The following ADD1 variants were observed in gnomAD, a reference collection of about 807,000 sequenced individuals.
ADD1 encodes alpha-adducin.
Under a neutral mutation model 80.5 loss-of-function variants are expected in ADD1, and 24 were observed. The ratio of observed to expected loss-of-function variants is 0.30; its 90% CI spans 0.22 to 0.42. The LOEUF (loss-of-function observed/expected upper bound fraction) is 0.42, where lower values mean the gene tolerates loss of function less well. Among genes scored for constraint, ADD1 ranks in the 10% least tolerant of loss-of-function variants. The pLI, the probability that ADD1 is intolerant of heterozygous loss-of-function variation, is 1.00. For missense variants in ADD1, 948 were observed against 1,019.0 expected, an observed-to-expected ratio of 0.93 and a Z score of 0.95; for synonymous variants, 373 against 393.8, an observed-to-expected ratio of 0.95 and a Z score of 0.63.
At chr4:2,877,369 T>A (rs1560175300) in intron 2 of ADD1, among the ~76,000 whole-genome samples, 1 of 152,122 alleles carries the variant, frequency 6.6e-6, no homozygotes, top group Non-Finnish European at 1.5e-5. Flanking sequence ...AGCAGTAAAC[T>A]AGACATACAA....
At chr4:2,864,364 G>T (rs567909983) in intron 1 of ADD1, among the ~76,000 whole-genome samples, 3 of 152,200 alleles carry the variant, frequency 2.0e-5, no homozygotes, top group Non-Finnish European at 4.4e-5. Context: ...AGTGAGCCAA[G>T]ATCGTGCGTG....
chr4:2,882,142 G>A (rs965404808), intron 3 of ADD1, 82 bp downstream of exon 3: 1 of 1,290,674 alleles, frequency 7.7e-7, no homozygotes, highest in South Asian at 1.6e-5. Context: ...AAATAAGTGG[G>A]CATTTAACTG....
intron 1 of ADD1, among the ~76,000 whole-genome samples, chr4:2,870,222 G>A (rs1253482312): frequency 6.6e-6 from 1 of 152,176 alleles, no homozygotes; most frequent in Non-Finnish European, 1.5e-5. Context: ...AAATTTGTCT[G>A]GTATCTGACC....
chr4:2,865,326 T>C (rs909108897), intron 1 of ADD1, among the ~76,000 whole-genome samples: 1 of 152,244 alleles, frequency 6.6e-6, no homozygotes, highest in Non-Finnish European at 1.5e-5. Context: ...TTGGCAAGTC[T>C]TCTTAGGCTT....
At chr4:2,879,442 AGTGTGT>A (rs1731880280) in intron 2 of ADD1, among the ~76,000 whole-genome samples, 1 of 152,172 alleles carries the variant, frequency 6.6e-6, no homozygotes, top group South Asian at 2.1e-4. Context: ...GGTACTTAGT[AGTGTGT>A]GTCGAATTGA....
chr4:2,894,074 A>G lies in ADD1; in HGVS notation c.572A>G (p.Glu191Gly). ...LIVPFGLLYS[E>G]VTASSLVKIN... is the part of the protein sequence containing the mutation. ...GTCCCTTTTGGGCTTCTTTACAGTGAAGTGACTGCATCCAGTTTGGTAAGA... is the reference window on the plus strand; with the variant it reads ...GTCCCTTTTGGGCTTCTTTACAGTGGAGTGACTGCATCCAGTTTGGTAAGA... Residue 191 changes from glutamate (E) to glycine (G), a missense_variant, in exon 5 of 16, where the codon GAA becomes GGA. Glu to Gly is a moderately conservative substitution (Grantham distance 98). Transcript: ENST00000683351. 1 of 1,614,054 alleles carries G rather than the reference A, an allele frequency of 6.2e-7. No homozygotes were observed. The highest frequency in any genetic ancestry group is 8.5e-7 in the Non-Finnish European group (1 of 1,179,910).
chr4:2,874,435 C>T (rs889152239), intron 1 of ADD1, among the ~76,000 whole-genome samples: 2 of 151,320 alleles, frequency 1.3e-5, no homozygotes, highest in Non-Finnish European at 1.5e-5. Flanking sequence ...GGTGAAACGC[C>T]GTCTCTACTA....
intron 14 of ADD1, among the ~76,000 whole-genome samples, chr4:2,925,021 G>T (rs573311372): frequency 6.6e-6 from 1 of 152,352 alleles, no homozygotes; most frequent in African/African-American, 2.4e-5. Context: ...TGAGTGGATG[G>T]GGACAGGCTC....
intron 14 of ADD1, among the ~76,000 whole-genome samples, chr4:2,918,031 T>C (rs141770519): frequency 0.019 from 2,958 of 152,316 alleles, 61 homozygotes; most frequent in African/African-American, 0.046. Context: ...CATATGAAAT[T>C]TGAAGTAGTT....
Position 2,926,338 on chromosome 4 carries a change from G to C in ADD1, c.2047+226G>C, listed in dbSNP as rs921192851. 1 of 704,506 alleles carries C rather than the reference G, an allele frequency of 1.4e-6. No individual in the cohort carries two copies. Among genetic ancestry groups the C allele is most frequent in the Non-Finnish European group, 2.6e-6 (1 of 388,084 alleles). The allele number at this position is 704,506 out of a possible 1,614,324, so 43.6% of individuals were successfully genotyped here. ...CCAGGTAGGAAGGCCGGCCTCGGGGGTCGGAACCCACCATGGTTGCTGGTG... is the reference window on the plus strand; with the variant it reads ...CCAGGTAGGAAGGCCGGCCTCGGGGCTCGGAACCCACCATGGTTGCTGGTG... On this transcript the variant is annotated intron_variant, in intron 15 of 15. Coordinates refer to ENST00000683351, the MANE Select transcript of ADD1 (RefSeq NM_001354761.2). This position sits in a 1 kb window ranked among gnomAD's most constrained non-coding sequence, Gnocchi z 5.0.
chr4:2,913,920 G>A (rs1433431414), intron 13 of ADD1, among the ~76,000 whole-genome samples: 3 of 151,996 alleles, frequency 2.0e-5, no homozygotes, highest in African/African-American at 7.2e-5. Flanking sequence ...GTAGCCGGGC[G>A]TGGTGGCGGG....
chr4:2,923,663 C>T (rs1349792547), intron 14 of ADD1, among the ~76,000 whole-genome samples: 1 of 152,266 alleles, frequency 6.6e-6, no homozygotes, highest in Non-Finnish European at 1.5e-5. Context: ...CGGGGAGAGA[C>T]CTCCTTTACT....
intron 1 of ADD1, among the ~76,000 whole-genome samples, chr4:2,849,746 G>A (rs1458206631): frequency 3.3e-5 from 5 of 152,168 alleles, no homozygotes; most frequent in Non-Finnish European, 7.3e-5. Context: ...GCACACTGTC[G>A]CTTGAAATTT....
intron 5 of ADD1, 65 bp downstream of exon 5, chr4:2,894,158 A>G (rs2109003115): frequency 7.7e-7 from 1 of 1,292,214 alleles, no homozygotes; most frequent in Non-Finnish European, 1.1e-6. Context: ...CAACATCTTC[A>G]GATCAGCTAA....
chr4:2,878,333 AG>A (rs529109301), intron 2 of ADD1, among the ~76,000 whole-genome samples: 2 of 152,156 alleles, frequency 1.3e-5, no homozygotes, highest in South Asian at 4.1e-4. Flanking sequence ...GGCGTAGTAG[AG>A]GTAGGAAGAA....
Position 2,894,585 on chromosome 4 carries a change from A to C in ADD1, c.595A>C (p.Lys199Gln). Residue 199 changes from lysine to glutamine, a missense_variant, in exon 6 of 16, where the codon AAG (lysine) becomes CAG (glutamine). By Grantham distance (53) the Lys-to-Gln change is moderately conservative (BLOSUM62 1). Transcript: ENST00000683351. ...YSEVTASSLV[K>Q]INLQGDIVDR... Reference sequence around the variant, plus strand: ...ATTTTTATTTTTTTATTTTCAGGTTAAGATCAATCTACAAGGAGATATAGT... The same window carrying C: ...ATTTTTATTTTTTTATTTTCAGGTTCAGATCAATCTACAAGGAGATATAGT... 2.5e-6 allele frequency: 4 copies of C among 1,593,498 alleles called. No individual in the cohort carries two copies. Among genetic ancestry groups the C allele is most frequent in the Non-Finnish European group, 3.4e-6 (4 of 1,173,792 alleles).
At chr4:2,883,156 C>A (rs1009222977) in intron 3 of ADD1, among the ~76,000 whole-genome samples, 1 of 152,226 alleles carries the variant, frequency 6.6e-6, no homozygotes, top group Admixed American at 6.5e-5. Flanking sequence ...GCCACCACAC[C>A]TGGCCCATTT....
intron 11 of ADD1, among the ~76,000 whole-genome samples, chr4:2,908,182 C>T (rs1019575647): frequency 1.3e-5 from 2 of 152,250 alleles, no homozygotes; most frequent in African/African-American, 4.8e-5. Context: ...TTTGGTGTAT[C>T]AGAGCAGGAG....
At chr4:2,863,994 A>G in intron 1 of ADD1, among the ~76,000 whole-genome samples, 1 of 152,200 alleles carries the variant, frequency 6.6e-6, no homozygotes, top group Non-Finnish European at 1.5e-5. Context: ...TAACCCCTAT[A>G]CACTGTCAAC....
Sources: gnomAD v4.1 joint callset for allele counts (sites outside exome capture counted in the v4.1 genomes callset) on GRCh38, gnomAD v4.1.1 for gene constraint, Gnocchi (gnomAD v3.1) non-coding constraint, MANE v1.5 for transcripts, NCBI Gene and HGNC (gene_info 2026-07-23, HGNC 2026-07-21) for gene names.